CDH4: variants seen among roughly 807,000 people sequenced by gnomAD.
CDH4 encodes the protein cadherin 4.
In CDH4, 33 loss-of-function variants were observed where a neutral mutation model predicts 86.0. That is an observed-to-expected ratio of 0.38 (90% CI 0.29 to 0.51). The LOEUF (loss-of-function observed/expected upper bound fraction) is 0.51. Ranked by LOEUF, CDH4 falls within the 20% of genes least tolerant of loss-of-function variation. The probability of loss-of-function intolerance (pLI) is 0.86; values close to 1 mark genes in which losing one functional copy is unlikely to be tolerated. For synonymous variants in CDH4, 555 were observed against 549.4 expected (o/e 1.01, Z -0.14); for missense variants, 1,114 against 1,307.4 (o/e 0.85, Z 2.28).
chr20:61,614,355 G>A (rs553071330), intron 2 of CDH4, among the ~76,000 whole-genome samples: 20 of 152,222 alleles, frequency 1.3e-4, no homozygotes, highest in South Asian at 2.1e-4. Context: ...GCAGGAGGGC[G>A]GGCACCTGGA....
At position 61,684,922 on chromosome 20, in the gene CDH4, C is replaced by A. The variant is rs2087557248; in HGVS notation, c.170-58641C>A. Among the ~76,000 whole-genome samples the A allele has an allele frequency of 6.6e-6, 1 of 151,138 alleles. No homozygotes were observed. The highest frequency in any genetic ancestry group is 2.5e-5 in the African/African-American group (1 of 40,660). On this transcript the variant is annotated intron_variant, in intron 2 of 15. Coordinates refer to ENST00000614565, the MANE Select transcript of CDH4 (RefSeq NM_001794.5). The surrounding 1 kb of genome is among the most constrained non-coding windows in gnomAD (Gnocchi z 4.5). ...GATATAAAAACTTACCGTGAAATTC[C>A]CCTGTTTAAAGTGTACAATTCAATG...
At chr20:61,385,895 G>GAA (rs1378442545) in intron 2 of CDH4, among the ~76,000 whole-genome samples, 1 of 152,216 alleles carries the variant, frequency 6.6e-6, no homozygotes, top group African/African-American at 2.4e-5. Context: ...CATTTGCTAT[G>GAA]TAGATTGCAG....
chr20:61,706,372 G>A (rs75095744), intron 2 of CDH4, among the ~76,000 whole-genome samples: 2,169 of 152,230 alleles, frequency 0.014, 35 homozygotes, highest in African/African-American at 0.049. Flanking sequence ...CCGAGGCACC[G>A]ACAACTGACA....
chr20:61,270,175 G>A (rs983605310), intron 2 of CDH4, among the ~76,000 whole-genome samples: 3 of 152,208 alleles, frequency 2.0e-5, no homozygotes, highest in Non-Finnish European at 2.9e-5. Flanking sequence ...GGAGAGAGGC[G>A]GCAGTGAACG....
At chr20:61,622,702 T>C (rs1158513273) in intron 2 of CDH4, among the ~76,000 whole-genome samples, 1 of 152,218 alleles carries the variant, frequency 6.6e-6, no homozygotes, top group Non-Finnish European at 1.5e-5. Context: ...TGGATAACTC[T>C]CTGTAGGGGC....
chr20:61,588,934 G>A (rs896991509), intron 2 of CDH4, among the ~76,000 whole-genome samples: 1 of 152,196 alleles, frequency 6.6e-6, no homozygotes, highest in Non-Finnish European at 1.5e-5. Context: ...CGAGCGCACT[G>A]TTGGCATTCT....
At chr20:61,919,813 A>G (rs2122956877) in intron 9 of CDH4, among the ~76,000 whole-genome samples, 1 of 145,552 alleles carries the variant, frequency 6.9e-6, no homozygotes, top group South Asian at 2.3e-4. Context: ...ATTGTGTGGA[A>G]GTGTGTCGTG....
chr20:61,581,858 G>A (rs1466014738), intron 2 of CDH4, among the ~76,000 whole-genome samples: 1 of 152,176 alleles, frequency 6.6e-6, no homozygotes, highest in Non-Finnish European at 1.5e-5. Flanking sequence ...GGTGGAATCG[G>A]GAATGTGGCA....
At chr20:61,699,760 T>C (rs1224522758) in intron 2 of CDH4, among the ~76,000 whole-genome samples, 1 of 86,450 alleles carries the variant, frequency 1.2e-5, no homozygotes, top group African/African-American at 2.8e-5. Flanking sequence ...CTGGGGGCTT[T>C]CACCGCGGAC....
intron 2 of CDH4, among the ~76,000 whole-genome samples, chr20:61,459,793 C>G (rs562625305): frequency 3.9e-5 from 6 of 152,146 alleles, no homozygotes; most frequent in African/African-American, 1.4e-4. Flanking sequence ...TTCCCCCAGG[C>G]TCACATGAGC....
At chr20:61,714,044 T>G (rs1217325033) in intron 2 of CDH4, among the ~76,000 whole-genome samples, 1 of 149,596 alleles carries the variant, frequency 6.7e-6, no homozygotes, top group African/African-American at 2.5e-5. Flanking sequence ...TTATTTTATT[T>G]TATTTTATTT....
chr20:61,682,781 T>C (rs1406487074), intron 2 of CDH4, among the ~76,000 whole-genome samples: 1 of 152,168 alleles, frequency 6.6e-6, no homozygotes, highest in Non-Finnish European at 1.5e-5. Context: ...TCCAAGGTGA[T>C]TCTAATCTGT....
intron 13 of CDH4, among the ~76,000 whole-genome samples, chr20:61,932,019 C>T (rs781485405): frequency 5.9e-5 from 9 of 152,106 alleles, no homozygotes; most frequent in Admixed American, 3.3e-4. Context: ...CCTCAGGAAG[C>T]AGGATCCCTG....
intron 2 of CDH4, among the ~76,000 whole-genome samples, chr20:61,330,520 C>T (rs1436130613): frequency 2.6e-5 from 4 of 152,148 alleles, no homozygotes; most frequent in African/African-American, 9.7e-5. Flanking sequence ...CCAGAGCAGC[C>T]TGTGCTTTGG....
chr20:61,424,908 A>C (rs1175956181), intron 2 of CDH4, among the ~76,000 whole-genome samples: 1 of 120,620 alleles, frequency 8.3e-6, no homozygotes, highest in African/African-American at 2.8e-5. Context: ...GGAAAGGCAT[A>C]AGCCTGTGCC....
Position 61,743,602 on chromosome 20 carries a change from A to T in CDH4, c.209A>T (p.Tyr70Phe). The T allele has an allele frequency of 6.3e-7, 1 of 1,579,490 alleles. No individual in the cohort carries two copies. Among genetic ancestry groups the T allele is most frequent in the Non-Finnish European group, 8.6e-7 (1 of 1,161,542 alleles). Residue 70 changes from tyrosine to phenylalanine, a missense_variant, in exon 3 of 16, where the codon TAT (tyrosine) becomes TTT (phenylalanine). This residue lies in a region of CDH4 where 221 missense variants were observed against 209.5 expected (regional missense o/e 1.05). Coordinates refer to ENST00000614565, the MANE Select transcript of CDH4 (RefSeq NM_001794.5). ...TGTGTGGGGACCAAGGGGACACAAT[A>T]TGAGACCAACAGCATGGACTTCAAA... The part of the protein sequence containing the change: ...SSCVGTKGTQ[Y>F]ETNSMDFKVG...
chr20:61,628,114 G>A (rs866533590), intron 2 of CDH4, among the ~76,000 whole-genome samples: 2 of 152,266 alleles, frequency 1.3e-5, no homozygotes, highest in South Asian at 2.1e-4. Context: ...TGGCATCGCC[G>A]CAGACATCCT....
intron 2 of CDH4, among the ~76,000 whole-genome samples, chr20:61,296,683 A>T (rs2084356879): frequency 6.6e-6 from 1 of 152,176 alleles, no homozygotes; most frequent in East Asian, 1.9e-4. Context: ...ATGCCACACG[A>T]AACTGGTGTC....
At chr20:61,668,275 A>G (rs1239611057) in intron 2 of CDH4, among the ~76,000 whole-genome samples, 3 of 152,130 alleles carry the variant, frequency 2.0e-5, no homozygotes, top group African/African-American at 7.2e-5. Context: ...ATGTGGGTGG[A>G]TGTTTATCCC....
Sources: allele counts gnomAD v4.1 joint callset (sites outside exome capture counted in the v4.1 genomes callset), GRCh38; gene constraint gnomAD v4.1.1; regional missense constraint gnomAD v4.1.1; non-coding constraint Gnocchi (gnomAD v3.1); transcripts MANE v1.5; gene names NCBI Gene and HGNC (gene_info 2026-07-23, HGNC 2026-07-21).